TMCC1: variants seen among roughly 807,000 people sequenced by gnomAD.
TMCC1 encodes transmembrane and coiled-coil domain family 1.
Under a neutral mutation model 52.4 loss-of-function variants are expected in TMCC1, and 15 were observed. That is an observed-to-expected ratio of 0.29 (90% CI 0.19 to 0.44). The LOEUF (loss-of-function observed/expected upper bound fraction) is 0.44, where lower values mean the gene tolerates loss of function less well. Ranked by LOEUF, TMCC1 falls within the 20% of genes least tolerant of loss-of-function variation. The pLI is 1.00. For missense variants in TMCC1, 503 were observed against 806.0 expected, an observed-to-expected ratio of 0.62 and a Z score of 4.55; for synonymous variants, 279 against 301.9, an observed-to-expected ratio of 0.92 and a Z score of 0.79.
At chr3:129,744,260 GT>G (rs2051723232) in intron 4 of TMCC1, among the ~76,000 whole-genome samples, 1 of 152,172 alleles carries the variant, frequency 6.6e-6, no homozygotes, top group Admixed American at 6.6e-5. Context: ...GGTTGTCGTA[GT>G]TTTTAGAAAC....
At chr3:129,668,371 T>G (rs2087640749) in intron 5 of TMCC1, among the ~76,000 whole-genome samples, 1 of 152,170 alleles carries the variant, frequency 6.6e-6, no homozygotes, top group African/African-American at 2.4e-5. Flanking sequence ...CCAAATAATT[T>G]CACTTAAATA....
At chr3:129,840,326 CA>C (rs368685429) in intron 2 of TMCC1, among the ~76,000 whole-genome samples, 4 of 88,292 alleles carry the variant, frequency 4.5e-5, no homozygotes, top group African/African-American at 1.5e-4. Context: ...GAACCTGTCT[CA>C]AAAAAAAAAA....
chr3:129,725,019 G>A (rs2049959346), intron 4 of TMCC1, among the ~76,000 whole-genome samples: 2 of 152,186 alleles, frequency 1.3e-5, no homozygotes, highest in Admixed American at 6.5e-5. Context: ...TTTAAAAGGA[G>A]ATACATATAA....
intron 5 of TMCC1, among the ~76,000 whole-genome samples, chr3:129,656,344 C>T (rs970582283): frequency 2.0e-5 from 3 of 152,228 alleles, no homozygotes; most frequent in Non-Finnish European, 4.4e-5. Context: ...AGGGAATGTA[C>T]TATCACTCAG....
intron 5 of TMCC1, among the ~76,000 whole-genome samples, chr3:129,658,335 T>C (rs141344247): frequency 9.7e-4 from 148 of 152,330 alleles, no homozygotes; most frequent in African/African-American, 3.5e-3. Context: ...AGGCTGTTGT[T>C]ATCCTTTCCT....
chr3:129,866,764 T>G (rs1174114349), intron 2 of TMCC1, among the ~76,000 whole-genome samples: 2 of 152,170 alleles, frequency 1.3e-5, no homozygotes, highest in Non-Finnish European at 2.9e-5. Context: ...TTTGGCATTA[T>G]TTACCATAAA....
At chr3:129,664,297 G>A (rs1259402429) in intron 5 of TMCC1, among the ~76,000 whole-genome samples, 1 of 152,126 alleles carries the variant, frequency 6.6e-6, no homozygotes, top group Non-Finnish European at 1.5e-5. Flanking sequence ...AGGTACCTCT[G>A]AGCATACATC....
At chr3:129,656,612 GCT>G (rs1285010383) in intron 5 of TMCC1, 15 of 152,050 alleles carry the variant, frequency 9.9e-5, no homozygotes, top group Non-Finnish European at 5.9e-5. Context: ...AAACTCCACT[GCT>G]TTTCTAAGAA....
At chr3:129,861,535 A>C (rs2060398602) in intron 2 of TMCC1, among the ~76,000 whole-genome samples, 1 of 152,222 alleles carries the variant, frequency 6.6e-6, no homozygotes, top group African/African-American at 2.4e-5. Context: ...AATATAATTA[A>C]GATAACCCTA....
At chr3:129,869,608 C>CA (rs2060820192) in intron 2 of TMCC1, among the ~76,000 whole-genome samples, 1 of 152,274 alleles carries the variant, frequency 6.6e-6, no homozygotes, top group Admixed American at 6.5e-5. Context: ...GTTGAACACT[C>CA]AGTGTCATAG....
At chr3:129,813,691 G>T (rs1553878907) in intron 4 of TMCC1, among the ~76,000 whole-genome samples, 1 of 151,774 alleles carries the variant, frequency 6.6e-6, no homozygotes, top group Non-Finnish European at 1.5e-5. Context: ...TACCTATTGG[G>T]TACTATGCTT....
At chr3:129,652,430 A>G (rs1350931929) in intron 6 of TMCC1, among the ~76,000 whole-genome samples, 4 of 152,182 alleles carry the variant, frequency 2.6e-5, no homozygotes, top group Admixed American at 2.0e-4. Flanking sequence ...GCCTTATTAT[A>G]TCCCCTCCCT....
chr3:129,741,699 C>T (rs946460433), intron 4 of TMCC1, among the ~76,000 whole-genome samples: 5 of 152,232 alleles, frequency 3.3e-5, no homozygotes, highest in Admixed American at 2.6e-4. Flanking sequence ...TTTAGAGCAG[C>T]TCTCATATAC....
intron 4 of TMCC1, among the ~76,000 whole-genome samples, chr3:129,697,517 C>T (rs982061416): frequency 6.6e-6 from 1 of 152,174 alleles, no homozygotes; most frequent in Non-Finnish European, 1.5e-5. Flanking sequence ...AGACATTTTC[C>T]CCATTGTCTT....
chr3:129,781,469 C>T (rs938434198), intron 4 of TMCC1, among the ~76,000 whole-genome samples: 2 of 152,112 alleles, frequency 1.3e-5, no homozygotes, highest in East Asian at 3.9e-4. Flanking sequence ...GGTTACCTTC[C>T]CCCTCTTTCA....
intron 4 of TMCC1, among the ~76,000 whole-genome samples, chr3:129,694,026 A>C (rs2047213939): frequency 6.6e-6 from 1 of 152,214 alleles, no homozygotes; most frequent in Non-Finnish European, 1.5e-5. Context: ...GCCTAAAAGA[A>C]AGTACTCCCA....
chr3:129,751,095 G>GGAA (rs1207562165), intron 4 of TMCC1, among the ~76,000 whole-genome samples: 1 of 152,072 alleles, frequency 6.6e-6, no homozygotes, highest in Non-Finnish European at 1.5e-5. Context: ...CAGCTACTCA[G>GGAA]GAAGCTGAGG....
At chr3:129,775,082 C>A (rs184428066) in intron 4 of TMCC1, among the ~76,000 whole-genome samples, 8 of 152,242 alleles carry the variant, frequency 5.3e-5, no homozygotes, top group East Asian at 1.9e-4. Flanking sequence ...CTGAACAATA[C>A]CTGCTACTCG....
intron 4 of TMCC1, among the ~76,000 whole-genome samples, chr3:129,683,006 T>G (rs1442417825): frequency 6.6e-6 from 1 of 152,152 alleles, no homozygotes; most frequent in Non-Finnish European, 1.5e-5. Flanking sequence ...CGGCTAATTT[T>G]GTATTTTTAG....
Sources: gnomAD v4.1 joint callset for allele counts (sites outside exome capture counted in the v4.1 genomes callset) on GRCh38, gnomAD v4.1.1 for gene constraint, MANE v1.5 for transcripts, NCBI Gene and HGNC (gene_info 2026-07-23, HGNC 2026-07-21) for gene names.